KCNQ5: variants seen among roughly 807,000 people sequenced by gnomAD.
The protein encoded by KCNQ5 is potassium voltage-gated channel subfamily KQT member 5.
In KCNQ5, 30 loss-of-function variants were observed where a neutral mutation model predicts 98.2. That is an observed-to-expected ratio of 0.31 (90% confidence interval 0.23 to 0.41). KCNQ5 has a LOEUF of 0.41. KCNQ5 is among the 10% of genes least tolerant of loss of function. The probability of loss-of-function intolerance (pLI) is 1.00; values close to 1 mark genes in which losing one functional copy is unlikely to be tolerated. For missense variants in KCNQ5, 835 were observed against 1,182.5 expected (o/e 0.71, Z 4.31); for synonymous variants, 458 against 449.4 (o/e 1.02, Z -0.24).
At chr6:72,924,193 A>G (rs1006144551) in intron 1 of KCNQ5, among the ~76,000 whole-genome samples, 6 of 152,306 alleles carry the variant, frequency 3.9e-5, no homozygotes, top group Admixed American at 2.6e-4. Flanking sequence ...CTTGAGATCT[A>G]CCCATCATTT....
intron 1 of KCNQ5, among the ~76,000 whole-genome samples, chr6:72,990,661 C>T (rs1043425269): frequency 8.6e-5 from 11 of 128,098 alleles, no homozygotes; most frequent in African/African-American, 3.4e-4. Flanking sequence ...CCTTCTTCTG[C>T]CTGATTGCCC....
chr6:72,797,023 C>G (rs190176453), intron 1 of KCNQ5, among the ~76,000 whole-genome samples: 3 of 152,258 alleles, frequency 2.0e-5, no homozygotes, highest in East Asian at 3.9e-4. Flanking sequence ...TACGTTTTGT[C>G]AACACACATT....
At chr6:72,703,175 A>C (rs1225402011) in intron 1 of KCNQ5, among the ~76,000 whole-genome samples, 2 of 151,980 alleles carry the variant, frequency 1.3e-5, no homozygotes, top group African/African-American at 4.8e-5. Context: ...TTTGTCATCT[A>C]CTCTGCCCTT....
At chr6:72,680,244 A>T (rs576654217) in intron 1 of KCNQ5, among the ~76,000 whole-genome samples, 1 of 152,014 alleles carries the variant, frequency 6.6e-6, no homozygotes, top group Non-Finnish European at 1.5e-5. Flanking sequence ...ATCTCTATGT[A>T]TTTGCCTATT....
chr6:72,876,690 T>C (rs1193272009), intron 1 of KCNQ5, among the ~76,000 whole-genome samples: 1 of 152,210 alleles, frequency 6.6e-6, no homozygotes, highest in East Asian at 1.9e-4. Context: ...AAAAGTATTA[T>C]ACTAAGCATT....
In KCNQ5 at chr6:73,077,407, C is replaced by G; in HGVS notation, c.702C>G (p.Leu234=). The G allele has an allele frequency of 1.2e-6, 2 of 1,614,186 alleles. No homozygotes were observed. The highest frequency in any genetic ancestry group is 1.7e-6 in the Non-Finnish European group (2 of 1,180,034). The change falls in exon 4 of 14, where the codon CTC becomes CTG. Residue 234 remains leucine (L), a synonymous_variant. Transcript: ENST00000370398. ...TTGCCACGTCTGCACTCAGAAGTCT[C>G]CGTTTCCTACAGATCCTCCGCATGG... ...NIFATSALRS[L]RFLQILRMVR...
At chr6:73,040,524 C>T (rs923035776) in intron 2 of KCNQ5, among the ~76,000 whole-genome samples, 9 of 152,122 alleles carry the variant, frequency 5.9e-5, no homozygotes, top group Non-Finnish European at 1.2e-4. Flanking sequence ...ACATTCAAAA[C>T]CAAAACAAAG....
rs142783975 is a variant in KCNQ5, at chr6:72,980,345, T to C, written c.399-23563T>C. ...TCTTCCATTTGTTTGTGTCCTCTTT[T>C]ATTTCATTGAGCAGTGGTTTGTACT... On this transcript the variant is annotated intron_variant, in intron 1 of 13. Coordinates refer to ENST00000370398, the MANE Select transcript of KCNQ5 (RefSeq NM_019842.4). 7.7e-3 allele frequency among the ~76,000 whole-genome samples: 1,176 copies of C among 152,326 alleles called. 11 individuals are homozygous for C. The highest frequency in any genetic ancestry group is 0.027 in the African/African-American group (1,120 of 41,552).
intron 1 of KCNQ5, among the ~76,000 whole-genome samples, chr6:72,772,481 AAAAT>A (rs1224644424): frequency 6.6e-6 from 1 of 152,160 alleles, no homozygotes; most frequent in East Asian, 1.9e-4. Flanking sequence ...CTATTCTGGT[AAAAT>A]AAATAGCTTC....
intron 1 of KCNQ5, among the ~76,000 whole-genome samples, chr6:72,838,047 C>A (rs1562015712): frequency 1.3e-5 from 2 of 151,118 alleles, no homozygotes; most frequent in African/African-American, 2.4e-5. Flanking sequence ...TGGTGTGCTG[C>A]ACCCACTAAC....
chr6:72,891,945 C>G (rs1259284768), intron 1 of KCNQ5, among the ~76,000 whole-genome samples: 1 of 152,158 alleles, frequency 6.6e-6, no homozygotes, highest in Non-Finnish European at 1.5e-5. Context: ...ATGTTAACAA[C>G]ACTGTGAATA....
intron 1 of KCNQ5, among the ~76,000 whole-genome samples, chr6:72,807,726 C>T (rs1195952900): frequency 2.1e-4 from 32 of 152,122 alleles, no homozygotes. Flanking sequence ...GTTGCCCAGG[C>T]TGATCTTAAA....
intron 1 of KCNQ5, among the ~76,000 whole-genome samples, chr6:72,903,540 G>A (rs555104150): frequency 4.6e-5 from 7 of 152,036 alleles, no homozygotes; most frequent in African/African-American, 1.2e-4. Context: ...CACTACTGTC[G>A]TTCAATTCAA....
chr6:72,637,636 A>G (rs2098924950), intron 1 of KCNQ5, among the ~76,000 whole-genome samples: 1 of 152,212 alleles, frequency 6.6e-6, no homozygotes, highest in South Asian at 2.1e-4. Context: ...GACCTAGATC[A>G]GCAGTCAGAT....
intron 1 of KCNQ5, among the ~76,000 whole-genome samples, chr6:72,900,502 C>CATATAT (rs1249391130): frequency 2.1e-5 from 3 of 144,988 alleles, no homozygotes; most frequent in Non-Finnish European, 4.5e-5. Context: ...TATACTCCAT[C>CATATAT]ATATATATAT....
At chr6:72,628,688 C>T (rs556094823) in intron 1 of KCNQ5, among the ~76,000 whole-genome samples, 82 of 152,260 alleles carry the variant, frequency 5.4e-4, no homozygotes, top group African/African-American at 1.9e-3. Flanking sequence ...CAGCTCACTC[C>T]AACCTCAGCT....
intron 1 of KCNQ5, among the ~76,000 whole-genome samples, chr6:72,888,437 T>C (rs1438309471): frequency 2.6e-5 from 4 of 152,206 alleles, no homozygotes; most frequent in Non-Finnish European, 5.9e-5. Flanking sequence ...ACTAGTTTTA[T>C]GCACTGTTAG....
intron 1 of KCNQ5, among the ~76,000 whole-genome samples, chr6:72,723,298 G>T (rs926564261): frequency 1.3e-5 from 2 of 152,118 alleles, no homozygotes; most frequent in African/African-American, 4.8e-5. Flanking sequence ...AAGATTTCAG[G>T]ATTAAAGTCT....
At chr6:72,850,972 G>A (rs1017796005) in intron 1 of KCNQ5, among the ~76,000 whole-genome samples, 5 of 151,826 alleles carry the variant, frequency 3.3e-5, no homozygotes, top group African/African-American at 7.3e-5. Context: ...GATACTCCTC[G>A]TGTTCAGGAA....
Sources: gnomAD v4.1 joint callset for allele counts (sites outside exome capture counted in the v4.1 genomes callset) on GRCh38, gnomAD v4.1.1 for gene constraint, MANE v1.5 for transcripts, NCBI Gene and HGNC (gene_info 2026-07-23, HGNC 2026-07-21) for gene names.